The following RASSF5 variants were observed in gnomAD, a reference collection of about 807,000 sequenced individuals.
RASSF5 encodes Ras association domain family member 5.
In RASSF5, 25 loss-of-function variants were observed where a neutral mutation model predicts 40.5. The observed-to-expected ratio is 0.62, with a 90% CI of 0.45 to 0.86. The LOEUF is 0.86. Among genes scored for constraint, RASSF5 ranks in the 40% least tolerant of loss-of-function variants. The pLI is 0.00. For synonymous variants in RASSF5, 246 were observed against 252.4 expected, an observed-to-expected ratio of 0.97 and a Z score of 0.24; for missense variants, 521 against 572.8, an observed-to-expected ratio of 0.91 and a Z score of 0.92.
chr1:206,519,806 G>A (rs1171193320), intron 1 of RASSF5, among the ~76,000 whole-genome samples: 1 of 152,196 alleles, frequency 6.6e-6, no homozygotes, highest in African/African-American at 2.4e-5. Context: ...TTTACCTCTT[G>A]AGAAGTGGGA....
At chr1:206,566,307 G>T (rs1054122757) in intron 2 of RASSF5, among the ~76,000 whole-genome samples, 1 of 152,026 alleles carries the variant, frequency 6.6e-6, no homozygotes, top group Non-Finnish European at 1.5e-5. Flanking sequence ...CTGATGTCCT[G>T]CCGTAGGAAG....
intron 1 of RASSF5, among the ~76,000 whole-genome samples, chr1:206,514,197 G>A (rs1190662571): frequency 9.9e-5 from 15 of 152,218 alleles, no homozygotes; most frequent in African/African-American, 3.4e-4. Flanking sequence ...AAGGGCAGTG[G>A]GGTCCCTCCT....
chr1:206,560,716 T>A lies in RASSF5; in HGVS notation c.579+22423T>A. ...GTAGATGGTCTCAGTAAGACCATCA[T>A]AGTTACCTCAATCTAAGGTGTTGCC... On this transcript the variant is annotated intron_variant, in intron 2 of 5. Transcript: ENST00000579436. The surrounding 1 kb of genome is among the most constrained non-coding windows in gnomAD (Gnocchi z 5.1). 6.6e-6 allele frequency among the ~76,000 whole-genome samples: 1 copy of A among 152,160 alleles called. No individual in the cohort carries two copies. The highest frequency in any genetic ancestry group is 1.5e-5 in the Non-Finnish European group (1 of 67,986).
At chr1:206,536,139 C>G (rs1206137579) in intron 1 of RASSF5, among the ~76,000 whole-genome samples, 1 of 152,138 alleles carries the variant, frequency 6.6e-6, no homozygotes, top group Non-Finnish European at 1.5e-5. Flanking sequence ...GTACCCTTCA[C>G]CTTACTAAAG....
intron 2 of RASSF5, chr1:206,557,287 A>C: frequency 8.2e-7 from 1 of 1,218,410 alleles, no homozygotes; most frequent in Non-Finnish European, 1.0e-6. Context: ...AGCCCGGACG[A>C]GTCAGGGAGT....
In RASSF5 at chr1:206,519,585, A is replaced by G. The variant is rs185195072; in HGVS notation, c.457+11526A>G. ...CTCTTTAACGGTTGGCACTCTTTGG[A>G]GCATACATACTTTTCTTGGGGCCCC... On this transcript the variant is annotated intron_variant, in intron 1 of 5. Coordinates refer to ENST00000579436, the MANE Select transcript of RASSF5 (RefSeq NM_182663.4). Among the ~76,000 whole-genome samples the G allele has an allele frequency of 1.1e-3, 169 of 152,168 alleles. 1 individual carries two copies. The highest frequency in any genetic ancestry group is 3.6e-3 in the African/African-American group (148 of 41,484).
chr1:206,540,454 T>C (rs1031873811), intron 2 of RASSF5, among the ~76,000 whole-genome samples: 1 of 152,236 alleles, frequency 6.6e-6, no homozygotes, highest in East Asian at 1.9e-4. Flanking sequence ...CACTGAAACA[T>C]TGCAGAGGAA....
chr1:206,517,627 C>T (rs1572291786), intron 1 of RASSF5, among the ~76,000 whole-genome samples: 1 of 152,340 alleles, frequency 6.6e-6, no homozygotes, highest in Non-Finnish European at 1.5e-5. Context: ...TGGTGCCAGT[C>T]TTCTGTCTTG....
intron 1 of RASSF5, chr1:206,518,394 G>C (rs1161582725): frequency 5.0e-6 from 2 of 398,442 alleles, no homozygotes; most frequent in Admixed American, 4.4e-5. Context: ...TGAGATGACC[G>C]AGGGCCAGGA....
rs924782216 is a variant in RASSF5 at position 206,513,166 on chromosome 1, C to T, written c.457+5107C>T. On this transcript the variant is annotated intron_variant, in intron 1 of 5. Coordinates refer to ENST00000579436, the MANE Select transcript of RASSF5 (RefSeq NM_182663.4). This position sits in a 1 kb window ranked among gnomAD's most constrained non-coding sequence, Gnocchi z 5.0. ...GAGGTGGGATGGCCATGGGTGGGTC[C>T]CAGCTCCTGCACCCCAGTGTTCTCC... 6.6e-6 allele frequency among the ~76,000 whole-genome samples: 1 copy of T among 152,200 alleles called. No individual in the cohort carries two copies. The highest frequency in any genetic ancestry group is 2.4e-5 in the African/African-American group (1 of 41,452).
intron 1 of RASSF5, among the ~76,000 whole-genome samples, chr1:206,533,741 T>C (rs1553398252): frequency 6.6e-6 from 1 of 151,398 alleles, no homozygotes; most frequent in African/African-American, 2.4e-5. Flanking sequence ...GGTGAGAGAG[T>C]GAGACCCTGT....
chr1:206,507,801 C>CG lies in RASSF5; in HGVS notation c.204dup (p.Asn69GlufsTer70). 1 of 1,397,254 alleles carries CG rather than the reference C, an allele frequency of 7.2e-7. No homozygotes were observed. Among genetic ancestry groups the CG allele is most frequent in the Non-Finnish European group, 9.2e-7 (1 of 1,085,198 alleles). 86.6% of individuals were successfully genotyped at this position (1,397,254 alleles called of 1,614,324 possible). On this transcript the variant is annotated frameshift_variant, in exon 1 of 6. Transcript: ENST00000579436. LOFTEE classifies it high-confidence loss of function. ...GGGGCGCAGCGCCCGGAGGGCTGCC[C>CG]GGGGGAACCTGGAGCCCCCGCCCCG...
intron 1 of RASSF5, among the ~76,000 whole-genome samples, chr1:206,532,439 G>A (rs1050635567): frequency 4.6e-5 from 7 of 152,190 alleles, no homozygotes; most frequent in African/African-American, 1.4e-4. Context: ...CTAATTGAGC[G>A]GGGCCTGGAG....
intron 2 of RASSF5, among the ~76,000 whole-genome samples, chr1:206,539,408 A>G (rs1016217223): frequency 3.3e-5 from 5 of 152,202 alleles, no homozygotes; most frequent in South Asian, 2.1e-4. Flanking sequence ...CGGTCTCCAG[A>G]GTAGCCATCA....
chr1:206,536,871 G>A (rs2103522215), intron 1 of RASSF5, among the ~76,000 whole-genome samples: 1 of 152,256 alleles, frequency 6.6e-6, no homozygotes, highest in East Asian at 1.9e-4. Flanking sequence ...AGAAGGCTGG[G>A]CCTTCTGGCC....
chr1:206,525,075 T>G (rs146812116), intron 1 of RASSF5, among the ~76,000 whole-genome samples: 1 of 152,202 alleles, frequency 6.6e-6, no homozygotes, highest in Non-Finnish European at 1.5e-5. Context: ...TGCCCTCTCT[T>G]CCTCTGCCCA....
chr1:206,580,546 C>G (rs1199372119), intron 2 of RASSF5: 1 of 152,156 alleles, frequency 6.6e-6, no homozygotes, highest in Non-Finnish European at 1.5e-5. Flanking sequence ...ATGTGCTCAG[C>G]TGGCAAGGAC....
rs547452283 is a variant in RASSF5 at position 206,511,910 on chromosome 1, G to T, written c.457+3851G>T. ...CGCTTGTGGGTTCTTTGTGAAAAAG[G>T]CTCCTGGGACATTGGCATTGATTCT... On this transcript the variant is annotated intron_variant, in intron 1 of 5. Coordinates refer to ENST00000579436, the MANE Select transcript of RASSF5 (RefSeq NM_182663.4). 2.0e-5 allele frequency among the ~76,000 whole-genome samples: 3 copies of T among 152,228 alleles called. No homozygotes were observed. In the East Asian group the frequency reaches 5.8e-4, roughly 29 times the overall value.
chr1:206,573,259 A>C (rs1296290828), intron 2 of RASSF5, among the ~76,000 whole-genome samples: 1 of 151,994 alleles, frequency 6.6e-6, no homozygotes, highest in Non-Finnish European at 1.5e-5. Context: ...TTTTACCTTC[A>C]CATCAATCCC....
Sources: gnomAD v4.1 joint callset for allele counts (sites outside exome capture counted in the v4.1 genomes callset) on GRCh38, gnomAD v4.1.1 for gene constraint, Gnocchi (gnomAD v3.1) non-coding constraint, MANE v1.5 for transcripts, NCBI Gene and HGNC (gene_info 2026-07-23, HGNC 2026-07-21) for gene names.